The following ATP8A1 variants were observed in gnomAD, a reference collection of about 807,000 sequenced individuals.
The protein encoded by ATP8A1 is phospholipid-transporting ATPase IA.
Under a neutral mutation model 177.7 loss-of-function variants are expected in ATP8A1, and 90 were observed. The observed-to-expected ratio is 0.51, with a 90% CI of 0.43 to 0.60. The LOEUF is 0.60. ATP8A1 is among the 20% of genes least tolerant of loss of function. ATP8A1 has a pLI of 0.00. For synonymous variants in ATP8A1, 493 were observed against 485.9 expected, an observed-to-expected ratio of 1.01 and a Z score of -0.19; for missense variants, 1,072 against 1,392.8, an observed-to-expected ratio of 0.77 and a Z score of 3.67.
chr4:42,413,877 C>T (rs1373838843), intron 36 of ATP8A1, among the ~76,000 whole-genome samples: 1 of 152,198 alleles, frequency 6.6e-6, no homozygotes, highest in Non-Finnish European at 1.5e-5. Context: ...AGGAGATAAA[C>T]ACAAATAGCT....
chr4:42,497,333 T>C (rs1302387030), intron 24 of ATP8A1, among the ~76,000 whole-genome samples: 1 of 152,188 alleles, frequency 6.6e-6, no homozygotes, highest in Admixed American at 6.5e-5. Flanking sequence ...ACTGTCATTT[T>C]ATGCGTGTGC....
intron 3 of ATP8A1, 34 bp downstream of exon 3, chr4:42,625,580 G>T: frequency 7.0e-7 from 1 of 1,433,168 alleles, no homozygotes; most frequent in South Asian, 1.2e-5. Flanking sequence ...ATTAGTACCT[G>T]AACATTTGAC....
chr4:42,573,898 A>T (rs1732154657), intron 14 of ATP8A1, among the ~76,000 whole-genome samples: 3 of 152,160 alleles, frequency 2.0e-5, no homozygotes, highest in Admixed American at 2.0e-4. Context: ...GGCAAGTTTG[A>T]CAATAGGCCA....
chr4:42,654,532 T>G (rs963547864), intron 1 of ATP8A1, among the ~76,000 whole-genome samples: 4 of 152,290 alleles, frequency 2.6e-5, no homozygotes, highest in Admixed American at 1.3e-4. Context: ...TCCATTCCAT[T>G]TTCTTTGCTA....
intron 33 of ATP8A1, among the ~76,000 whole-genome samples, chr4:42,428,980 C>G (rs1162755243): frequency 6.6e-6 from 1 of 152,148 alleles, no homozygotes. Flanking sequence ...AGACTATATA[C>G]TCTCTTAATT....
intron 33 of ATP8A1, among the ~76,000 whole-genome samples, chr4:42,424,894 C>T (rs1714407008): frequency 6.6e-6 from 1 of 152,096 alleles, no homozygotes; most frequent in African/African-American, 2.4e-5. Context: ...TAAGTTTTGC[C>T]ACATGGGTTC....
intron 25 of ATP8A1, among the ~76,000 whole-genome samples, chr4:42,469,379 G>A (rs1298235679): frequency 6.6e-6 from 1 of 152,204 alleles, no homozygotes. Flanking sequence ...TGAGCATAGT[G>A]TGCTGTGAGT....
chr4:42,570,152 C>G (rs1026676379), intron 14 of ATP8A1, among the ~76,000 whole-genome samples: 1 of 152,204 alleles, frequency 6.6e-6, no homozygotes, highest in Non-Finnish European at 1.5e-5. Context: ...GCAGGGACTT[C>G]ATCATTCCAA....
chr4:42,426,856 C>A (rs929502194), intron 33 of ATP8A1, among the ~76,000 whole-genome samples: 1 of 152,082 alleles, frequency 6.6e-6, no homozygotes, highest in Non-Finnish European at 1.5e-5. Context: ...AGTAAGAGAT[C>A]CCTAATAAAG....
intron 24 of ATP8A1, among the ~76,000 whole-genome samples, chr4:42,499,344 G>A (rs539469880): frequency 2.0e-5 from 3 of 152,216 alleles, no homozygotes; most frequent in Admixed American, 1.3e-4. Context: ...GGAAAGCCTG[G>A]CAGTACAGAA....
At chr4:42,552,112 A>G (rs1389363607) in intron 17 of ATP8A1, among the ~76,000 whole-genome samples, 1 of 152,210 alleles carries the variant, frequency 6.6e-6, no homozygotes, top group Non-Finnish European at 1.5e-5. Flanking sequence ...TTGGTGTTCT[A>G]AAGTTATATA....
intron 1 of ATP8A1, 136 bp from the exon 2 acceptor site, chr4:42,627,245 A>G: frequency 1.6e-6 from 1 of 616,762 alleles, no homozygotes; most frequent in Non-Finnish European, 2.8e-6. Flanking sequence ...TTTATAATAA[A>G]AAGTAACATC....
intron 4 of ATP8A1, among the ~76,000 whole-genome samples, chr4:42,617,606 A>C (rs920636053): frequency 1.3e-5 from 2 of 152,240 alleles, no homozygotes; most frequent in Admixed American, 1.3e-4. Context: ...TAACAGTCCA[A>C]GGTAAATTTA....
chr4:42,603,368 G>T (rs1472526642), intron 5 of ATP8A1, among the ~76,000 whole-genome samples: 1 of 152,034 alleles, frequency 6.6e-6, no homozygotes, highest in Non-Finnish European at 1.5e-5. Flanking sequence ...CCAGTCATTG[G>T]CAATATTTAG....
At chr4:42,440,439 C>G (rs1035637693) in intron 33 of ATP8A1, among the ~76,000 whole-genome samples, 1 of 148,244 alleles carries the variant, frequency 6.7e-6, no homozygotes. Flanking sequence ...ACCTGCTGTA[C>G]TTTTCTCTAG....
At chr4:42,644,418 C>T (rs1485722802) in intron 1 of ATP8A1, among the ~76,000 whole-genome samples, 25 of 152,076 alleles carry the variant, frequency 1.6e-4, no homozygotes, top group Admixed American at 1.6e-3. Context: ...TAAATTGAGC[C>T]AACAATTCAG....
At chr4:42,483,050 C>G (rs562888840) in intron 25 of ATP8A1, among the ~76,000 whole-genome samples, 1 of 152,152 alleles carries the variant, frequency 6.6e-6, no homozygotes, top group East Asian at 1.9e-4. Context: ...ATCTGAGAAA[C>G]GAGGAGTGAC....
chr4:42,654,947 A>T (rs1419642668), intron 1 of ATP8A1, among the ~76,000 whole-genome samples: 1 of 152,216 alleles, frequency 6.6e-6, no homozygotes, highest in East Asian at 1.9e-4. Flanking sequence ...CAGAGCAGGC[A>T]ATGAGCCACA....
At chr4:42,466,031 CAAAAAAAAAAAAAAA>C (rs57949092) in intron 25 of ATP8A1, among the ~76,000 whole-genome samples, 4 of 108,102 alleles carry the variant, frequency 3.7e-5, no homozygotes, top group Non-Finnish European at 5.3e-5. Flanking sequence ...GACTCCGTCT[CAAAAAAAAAAAAAAA>C]AAAAAAAAAA....
Sources: gnomAD v4.1 joint callset for allele counts (sites outside exome capture counted in the v4.1 genomes callset) on GRCh38, gnomAD v4.1.1 for gene constraint, MANE v1.5 for transcripts, NCBI Gene and HGNC (gene_info 2026-07-23, HGNC 2026-07-21) for gene names.